PACRG: variants seen among roughly 807,000 people sequenced by gnomAD.
The protein encoded by PACRG is parkin coregulated, also known as parkin coregulated gene protein.
A neutral mutation model predicts 29.7 loss-of-function variants in PACRG; 29 were observed. The observed-to-expected ratio is 0.98, with a 90% CI of 0.73 to 1.33. The LOEUF (loss-of-function observed/expected upper bound fraction) is 1.33. Ranked by LOEUF, PACRG falls within the 40% of genes most tolerant of loss-of-function variation. The pLI is 0.00. For synonymous variants in PACRG, 116 were observed against 118.7 expected (o/e 0.98, Z 0.15); for missense variants, 279 against 316.2 (o/e 0.88, Z 0.89).
chr6:162,856,766 C>A (rs551941832), intron 2 of PACRG, among the ~76,000 whole-genome samples: 1 of 152,320 alleles, frequency 6.6e-6, no homozygotes, highest in East Asian at 1.9e-4. Flanking sequence ...ATTCTTTACA[C>A]CTGCTACTTA....
intron 2 of PACRG, among the ~76,000 whole-genome samples, chr6:162,911,563 T>C (rs916054329): frequency 1.3e-5 from 2 of 152,242 alleles, no homozygotes; most frequent in Non-Finnish European, 2.9e-5. Context: ...TAGATAGATA[T>C]GCAGTGAACA....
intron 2 of PACRG, among the ~76,000 whole-genome samples, chr6:162,954,794 A>AT (rs938862683): frequency 2.6e-5 from 4 of 152,102 alleles, no homozygotes; most frequent in African/African-American, 9.7e-5. Context: ...TAGCAAGTGT[A>AT]TTTTTTTGTC....
At chr6:163,311,072 T>G (rs559291305) in intron 4 of PACRG, 28 of 152,298 alleles carry the variant, frequency 1.8e-4, no homozygotes, top group African/African-American at 6.7e-4. Flanking sequence ...CTTAAACTGC[T>G]TACATCATCA....
rs765528330 is a variant in PACRG, at chr6:162,806,266, G to A, written c.157-7881G>A. On this transcript the variant is annotated intron_variant, in intron 1 of 4. Coordinates refer to ENST00000366888, the MANE Select transcript of PACRG (RefSeq NM_001080379.2). ...TGGGATCACAGGCATGCACCACCAC[G>A]CCCAGCTAATTTTGTATTTTTAGTA... Among the ~76,000 whole-genome samples, 11 of 151,794 alleles carry A rather than the reference G, an allele frequency of 7.2e-5. No individual in the cohort carries two copies. The East Asian group carries it at 1.4e-3, about 19-fold the overall frequency.
At chr6:162,869,193 G>A (rs1289075020) in intron 2 of PACRG, among the ~76,000 whole-genome samples, 1 of 152,108 alleles carries the variant, frequency 6.6e-6, no homozygotes, top group East Asian at 1.9e-4. Flanking sequence ...TGAAGGGGCT[G>A]GGCTAGGGCG....
intron 4 of PACRG, among the ~76,000 whole-genome samples, chr6:163,265,302 C>A (rs989218395): frequency 3.9e-5 from 6 of 152,128 alleles, no homozygotes; most frequent in African/African-American, 1.4e-4. Context: ...TGGTCCGCAT[C>A]CTTTTCCCTG....
chr6:162,755,162 T>C (rs1475033391), intron 1 of PACRG, among the ~76,000 whole-genome samples: 3 of 152,140 alleles, frequency 2.0e-5, no homozygotes, highest in African/African-American at 7.2e-5. Flanking sequence ...TGTGATCTTA[T>C]TTATTTGAGA....
intron 4 of PACRG, among the ~76,000 whole-genome samples, chr6:163,301,783 G>A (rs955350592): frequency 3.9e-5 from 6 of 152,148 alleles, no homozygotes; most frequent in East Asian, 1.9e-4. Flanking sequence ...AATAGTTGTC[G>A]AAATTTATCA....
chr6:163,062,929 G>T lies in PACRG; in HGVS notation c.463+608G>T, dbSNP rs78016952. On this transcript the variant is annotated intron_variant, in intron 3 of 4. Transcript: ENST00000366888. ...TGGACTGGTTGTCTAAGAACCTGAG[G>T]TTGTCCCACGTGACAGCCTTCTGGG... Among the ~76,000 whole-genome samples the T allele has an allele frequency of 4.3e-4, 66 of 152,206 alleles. 2 individuals carry two copies. In the East Asian group the frequency reaches 0.012, roughly 29 times the overall value.
In PACRG at chr6:163,089,486, A is replaced by G. The variant is rs1036202467; in HGVS notation, c.613+78A>G. 8.6e-6 allele frequency: 13 copies of G among 1,514,386 alleles called. No individual in the cohort carries two copies. In the East Asian group the frequency reaches 2.5e-4, roughly 29 times the overall value. The allele number at this position is 1,514,386 out of a possible 1,614,324, so 93.8% of individuals were successfully genotyped here. On this transcript the variant is annotated intron_variant, in intron 4 of 4. Coordinates refer to ENST00000366888, the MANE Select transcript of PACRG (RefSeq NM_001080379.2). ...GTTTGAAGTAGAGTTAATTAGCAAC[A>G]CGTTTAGGATTTATTATTGCATATA...
intron 2 of PACRG, among the ~76,000 whole-genome samples, chr6:162,965,611 G>A (rs1438271960): frequency 6.6e-6 from 1 of 152,124 alleles, no homozygotes; most frequent in Non-Finnish European, 1.5e-5. Context: ...CATCACATAG[G>A]GGTTAAGATT....
At chr6:163,081,157 G>A (rs981308507) in intron 3 of PACRG, among the ~76,000 whole-genome samples, 1 of 152,034 alleles carries the variant, frequency 6.6e-6, no homozygotes. Context: ...AAATTATATG[G>A]TTGGCACTCC....
Position 163,067,092 on chromosome 6 carries a change from C to CT in PACRG, c.463+4774dup, listed in dbSNP as rs1811611906. Among the ~76,000 whole-genome samples the CT allele has an allele frequency of 4.6e-5, 7 of 152,350 alleles. 1 individual carries two copies. Among genetic ancestry groups the CT allele is most frequent in the African/African-American group, 1.7e-4 (7 of 41,594 alleles). On this transcript the variant is annotated intron_variant, in intron 3 of 4. Transcript: ENST00000366888. Reference sequence around the variant, plus strand: ...CCTTCCTCCACTTCCTGACCTTTGACTTTAAGATCTAGGATCTTCACCAAC... The same window carrying CT: ...CCTTCCTCCACTTCCTGACCTTTGACTTTTAAGATCTAGGATCTTCACCAAC...
At chr6:162,926,015 C>G (rs1421237235) in intron 2 of PACRG, among the ~76,000 whole-genome samples, 1 of 151,944 alleles carries the variant, frequency 6.6e-6, no homozygotes, top group Non-Finnish European at 1.5e-5. Flanking sequence ...CAACAGTAGA[C>G]AAGCAGAGAG....
chr6:163,260,052 C>T (rs1783262791), intron 4 of PACRG, among the ~76,000 whole-genome samples: 1 of 152,218 alleles, frequency 6.6e-6, no homozygotes, highest in Non-Finnish European at 1.5e-5. Context: ...GCCATCCCGC[C>T]CCTCCAAGCC....
chr6:162,905,136 G>T (rs1046677001), intron 2 of PACRG, among the ~76,000 whole-genome samples: 1 of 152,166 alleles, frequency 6.6e-6, no homozygotes. Flanking sequence ...GGTGGTGGTG[G>T]CCTCGTTGCC....
At chr6:162,879,502 C>G (rs528020031) in intron 2 of PACRG, among the ~76,000 whole-genome samples, 296 of 152,104 alleles carry the variant, frequency 1.9e-3, no homozygotes, top group Middle Eastern at 3.4e-3. Context: ...ACAGTTGGTG[C>G]TAAAACTGAT....
At chr6:162,933,313 G>A (rs1305457011) in intron 2 of PACRG, among the ~76,000 whole-genome samples, 1 of 152,104 alleles carries the variant, frequency 6.6e-6, no homozygotes, top group Non-Finnish European at 1.5e-5. Context: ...TGAGAAGAAT[G>A]TGTATATTAC....
At chr6:163,061,724 A>T (rs1277718890) in intron 2 of PACRG, among the ~76,000 whole-genome samples, 4 of 152,160 alleles carry the variant, frequency 2.6e-5, no homozygotes, top group Non-Finnish European at 4.4e-5. Context: ...GCACTTCTGT[A>T]GCTTTCTTCT....
Sources: gnomAD v4.1 joint callset for allele counts (sites outside exome capture counted in the v4.1 genomes callset) on GRCh38, gnomAD v4.1.1 for gene constraint, MANE v1.5 for transcripts, NCBI Gene and HGNC (gene_info 2026-07-23, HGNC 2026-07-21) for gene names.